The following ANKFN1 variants were observed in gnomAD, a reference collection of about 807,000 sequenced individuals.
ANKFN1 encodes ankyrin repeat and fibronectin type III domain containing 1, also known as ankyrin repeat and fibronectin type-III domain-containing protein 1.
A neutral mutation model predicts 108.7 loss-of-function variants in ANKFN1; 74 were observed. The ratio of observed to expected loss-of-function variants is 0.68; its 90% CI spans 0.56 to 0.83. The LOEUF (loss-of-function observed/expected upper bound fraction) is 0.83. Among genes scored for constraint, ANKFN1 ranks in the 40% least tolerant of loss-of-function variants. ANKFN1 has a pLI of 0.00. For missense variants in ANKFN1, 1,505 were observed against 1,382.3 expected, an observed-to-expected ratio of 1.09 and a Z score of -1.41; for synonymous variants, 547 against 516.2, an observed-to-expected ratio of 1.06 and a Z score of -0.81.
chr17:56,310,845 G>A (rs541916698), intron 3 of ANKFN1, among the ~76,000 whole-genome samples: 26 of 151,082 alleles, frequency 1.7e-4, no homozygotes, highest in Non-Finnish European at 3.8e-4. Flanking sequence ...TAGTCACCAT[G>A]CTGTACATTA....
At chr17:56,062,338 G>T (rs966896476) in intron 4 of ANKFN1, among the ~76,000 whole-genome samples, 1 of 152,152 alleles carries the variant, frequency 6.6e-6, no homozygotes, top group African/African-American at 2.4e-5. Context: ...GGGTGTTAAA[G>T]CCTCCCACTA....
rs1300461377 is a variant in ANKFN1 at position 56,350,903 on chromosome 17, C to G, written c.326C>G (p.Ser109Cys). The G allele has an allele frequency of 6.2e-7, 1 of 1,613,734 alleles. No homozygotes were observed. The highest frequency in any genetic ancestry group is 8.5e-7 in the Non-Finnish European group (1 of 1,179,896). ...NLSEKLKGSH[S>C]SFDEAYFRTR... is the part of the protein sequence containing the mutation. Reference sequence around the variant, plus strand: ...TCTGAGAAACTGAAAGGGAGCCACTCTTCCTTCGATGAGGCCTATTTTAGG... The same window carrying G: ...TCTGAGAAACTGAAAGGGAGCCACTGTTCCTTCGATGAGGCCTATTTTAGG... Residue 109 changes from serine (S) to cysteine (C), a missense_variant, in exon 5 of 21, where the codon TCT becomes TGT. Transcript: ENST00000682825.
intron 8 of ANKFN1, among the ~76,000 whole-genome samples, chr17:56,391,253 G>GTA (rs1223456039): frequency 6.6e-4 from 19 of 28,820 alleles, no homozygotes; most frequent in Admixed American, 2.9e-3. Context: ...ATATATGTAT[G>GTA]TGTGTGTGTG....
At chr17:56,229,934 A>G (rs1916602749) in intron 3 of ANKFN1, among the ~76,000 whole-genome samples, 1 of 152,116 alleles carries the variant, frequency 6.6e-6, no homozygotes, top group South Asian at 2.1e-4. Flanking sequence ...TCACGGAAAC[A>G]TATTAAAATC....
chr17:56,491,389 C>T (rs1013194361), intron 18 of ANKFN1, among the ~76,000 whole-genome samples: 5 of 152,146 alleles, frequency 3.3e-5, no homozygotes, highest in East Asian at 3.8e-4. Flanking sequence ...TCCAAAGTTA[C>T]GGTATAAGAT....
chr17:56,440,668 G>T (rs111898062), intron 9 of ANKFN1, among the ~76,000 whole-genome samples: 10 of 152,306 alleles, frequency 6.6e-5, no homozygotes, highest in African/African-American at 2.4e-4. Context: ...CCTCATGCAA[G>T]CCTTGAAAGC....
intron 4 of ANKFN1, among the ~76,000 whole-genome samples, chr17:56,344,291 C>A (rs758775966): frequency 1.3e-5 from 2 of 152,018 alleles, no homozygotes; most frequent in African/African-American, 2.4e-5. Context: ...TATGTGGCCA[C>A]TGAAGTTGCT....
rs376914638 is a variant in ANKFN1 at position 56,317,765 on chromosome 17, T to A, written c.54-8456T>A. Among the ~76,000 whole-genome samples, 114 of 152,304 alleles carry A rather than the reference T, an allele frequency of 7.5e-4. 1 individual carries two copies. The South Asian group carries it at 0.022, about 29-fold the overall frequency. On this transcript the variant is annotated intron_variant, in intron 3 of 20. Coordinates refer to ENST00000682825, the MANE Select transcript of ANKFN1 (RefSeq NM_001370326.1). ...AATGGCCAGTGCAGTCAACACATAA[T>A]CAGACAATCTACAGCTGCACTGTTG...
At position 56,482,430 on chromosome 17, in the gene ANKFN1, T is replaced by C. The variant is rs763975924; in HGVS notation, c.2166T>C (p.Pro722=). 2 of 1,613,558 alleles carry C rather than the reference T, an allele frequency of 1.2e-6. No individual in the cohort carries two copies. The highest frequency in any genetic ancestry group is 1.7e-6 in the Non-Finnish European group (2 of 1,179,738). The change falls in exon 18 of 21, where the codon CCT becomes CCC. Residue 722 remains proline (P), a synonymous_variant. Coordinates refer to ENST00000682825, the MANE Select transcript of ANKFN1 (RefSeq NM_001370326.1). ...GHNVSFLLLL[P]ASDDVCTAPG... ...ATGTGTCCTTTCTTCTCCTGCTCCCTGCCTCAGACGACGTCTGTACAGCCC... is the reference window on the plus strand; with the variant it reads ...ATGTGTCCTTTCTTCTCCTGCTCCCCGCCTCAGACGACGTCTGTACAGCCC...
chr17:56,291,826 T>C (rs1445275039), intron 3 of ANKFN1, among the ~76,000 whole-genome samples: 1 of 152,208 alleles, frequency 6.6e-6, no homozygotes, highest in Non-Finnish European at 1.5e-5. Flanking sequence ...CTAAAGTATC[T>C]TTTTAGCACC....
At chr17:56,313,455 G>A (rs922962059) in intron 3 of ANKFN1, among the ~76,000 whole-genome samples, 1 of 152,186 alleles carries the variant, frequency 6.6e-6, no homozygotes, top group African/African-American at 2.4e-5. Flanking sequence ...ACAGTAAGGG[G>A]AAGGAACAGG....
At chr17:56,239,701 C>T (rs1917437388) in intron 3 of ANKFN1, among the ~76,000 whole-genome samples, 1 of 152,098 alleles carries the variant, frequency 6.6e-6, no homozygotes. Context: ...TTTCGCTCCT[C>T]TTTCCACTTG....
At chr17:56,314,662 C>A (rs2045145975) in intron 3 of ANKFN1, among the ~76,000 whole-genome samples, 1 of 152,136 alleles carries the variant, frequency 6.6e-6, no homozygotes, top group Non-Finnish European at 1.5e-5. Context: ...AGATTCACAG[C>A]TAATAAGTAG....
chr17:56,381,449 G>A (rs57876228), intron 8 of ANKFN1, among the ~76,000 whole-genome samples: 9,753 of 152,330 alleles, frequency 0.064, 1,041 homozygotes, highest in African/African-American at 0.22. Flanking sequence ...TGACTTTGAT[G>A]AGTTGAGAGA....
intron 3 of ANKFN1, among the ~76,000 whole-genome samples, chr17:56,279,033 T>C (rs554350474): frequency 5.4e-4 from 82 of 152,240 alleles, no homozygotes; most frequent in Non-Finnish European, 9.1e-4. Flanking sequence ...CCTTTAGTTT[T>C]TCTTCTTTAG....
At chr17:56,435,919 C>G (rs1276071104) in intron 8 of ANKFN1, among the ~76,000 whole-genome samples, 1 of 152,088 alleles carries the variant, frequency 6.6e-6, no homozygotes, top group Non-Finnish European at 1.5e-5. Context: ...TTGAAATTTA[C>G]CTAAACTTTA....
intron 4 of ANKFN1, among the ~76,000 whole-genome samples, chr17:56,052,924 C>T (rs980261638): frequency 2.0e-5 from 3 of 152,174 alleles, no homozygotes; most frequent in Non-Finnish European, 4.4e-5. Flanking sequence ...CCCAAACAGT[C>T]TAGCTCCAGA....
chr17:56,126,031 C>T (rs1365816747), intron 4 of ANKFN1, among the ~76,000 whole-genome samples: 1 of 152,158 alleles, frequency 6.6e-6, no homozygotes, highest in Non-Finnish European at 1.5e-5. Context: ...GTCTCTGGCC[C>T]CGCCCGGGGC....
At chr17:56,241,674 C>T (rs1457850847) in intron 3 of ANKFN1, among the ~76,000 whole-genome samples, 2 of 152,042 alleles carry the variant, frequency 1.3e-5, no homozygotes, top group East Asian at 1.9e-4. Context: ...TTTTCCTATG[C>T]GAGTGTACCT....
Sources: gnomAD v4.1 joint callset for allele counts (sites outside exome capture counted in the v4.1 genomes callset) on GRCh38, gnomAD v4.1.1 for gene constraint, MANE v1.5 for transcripts, NCBI Gene and HGNC (gene_info 2026-07-23, HGNC 2026-07-21) for gene names.